Variants in RORA observed in about 807,000 individuals in gnomAD.
The protein encoded by RORA is RAR related orphan receptor A.
Under a neutral mutation model 69.5 loss-of-function variants are expected in RORA, and 7 were observed. The ratio of observed to expected loss-of-function variants is 0.10; its 90% CI spans 0.06 to 0.19. The LOEUF is 0.19. Ranked by LOEUF, RORA falls within the 10% of genes least tolerant of loss-of-function variation. The pLI, the probability that RORA is intolerant of heterozygous loss-of-function variation, is 1.00. For synonymous variants in RORA, 261 were observed against 240.8 expected (o/e 1.08, Z -0.78); for missense variants, 457 against 663.0 (o/e 0.69, Z 3.41).
At chr15:60,647,983 G>T (rs2070080745) in intron 2 of RORA, among the ~76,000 whole-genome samples, 1 of 152,162 alleles carries the variant, frequency 6.6e-6, no homozygotes, top group African/African-American at 2.4e-5. Context: ...AGAGGTGTGG[G>T]GACACCAAGG....
intron 1 of RORA, among the ~76,000 whole-genome samples, chr15:60,982,447 C>T (rs1017168379): frequency 1.2e-4 from 18 of 152,190 alleles, no homozygotes; most frequent in Non-Finnish European, 2.5e-4. Context: ...TTATCCATTG[C>T]CTTAGACAGT....
chr15:61,218,690 A>ACACACACACACACG (rs1263128966), intron 1 of RORA, among the ~76,000 whole-genome samples: 2 of 151,682 alleles, frequency 1.3e-5, no homozygotes, highest in African/African-American at 4.8e-5. Context: ...ACACACACAC[A>ACACACACACACACG]CACACACACA....
intron 1 of RORA, among the ~76,000 whole-genome samples, chr15:60,964,063 C>T (rs1893484849): frequency 6.6e-6 from 1 of 152,306 alleles, no homozygotes; most frequent in African/African-American, 2.4e-5. Flanking sequence ...AGATAGGAAT[C>T]ATCTCATTTA....
At chr15:60,673,091 C>T (rs929028098) in intron 2 of RORA, among the ~76,000 whole-genome samples, 1 of 152,220 alleles carries the variant, frequency 6.6e-6, no homozygotes, top group African/African-American at 2.4e-5. Context: ...TCAACACACC[C>T]TTTGGAACGT....
chr15:60,521,182 C>T (rs1474497170), intron 3 of RORA, among the ~76,000 whole-genome samples: 2 of 151,678 alleles, frequency 1.3e-5, no homozygotes, highest in Admixed American at 1.3e-4. Context: ...GTCGTCCAGG[C>T]ATACATAGTA....
chr15:60,606,623 C>T lies in RORA; in HGVS notation c.196+72034G>A, dbSNP rs340032. Among the ~76,000 whole-genome samples the T allele has an allele frequency of 2.7e-3, 404 of 152,098 alleles. 1 individual carries two copies. The highest frequency in any genetic ancestry group is 8.9e-3 in the African/African-American group (370 of 41,460). The stretch of plus-strand genomic sequence containing the variant: ...GGAGCAGACTTTGGGTGAGGCACTA[C>T]GTGAAATGTTTGAAAAAGATAGTTA... On this transcript the variant is annotated intron_variant, in intron 2 of 10. Coordinates refer to ENST00000335670, the MANE Select transcript of RORA (RefSeq NM_134261.3).
rs377369252 is a variant in RORA at position 61,131,182 on chromosome 15, G to T, written c.166+97871C>A. Among the ~76,000 whole-genome samples, 1 of 152,290 alleles carries T rather than the reference G, an allele frequency of 6.6e-6. No individual in the cohort carries two copies. Reference sequence around the variant, plus strand: ...ACTTTTGAACACTGGGTGTAAACTTGATGGTCACTAACATTCCTGACCATG... The same window carrying T: ...ACTTTTGAACACTGGGTGTAAACTTTATGGTCACTAACATTCCTGACCATG... On this transcript the variant is annotated intron_variant, in intron 1 of 10. Transcript: ENST00000335670. The surrounding 1 kb of genome is among the most constrained non-coding windows in gnomAD (Gnocchi z 4.2).
chr15:60,766,727 G>A (rs1001768059), intron 1 of RORA, among the ~76,000 whole-genome samples: 39 of 151,848 alleles, frequency 2.6e-4, no homozygotes, highest in Admixed American at 2.4e-3. Context: ...TGCTGGGGCC[G>A]AGTTTTAAAA....
intron 1 of RORA, among the ~76,000 whole-genome samples, chr15:61,227,346 C>T (rs2080155970): frequency 6.6e-6 from 1 of 152,186 alleles, no homozygotes; most frequent in South Asian, 2.1e-4. Context: ...GCCAAAAGCT[C>T]CCCGCACACA....
chr15:60,501,002 T>G lies in RORA; in HGVS notation c.1251A>C (p.Glu417Asp). The G allele has an allele frequency of 6.2e-7, 1 of 1,610,090 alleles. No homozygotes were observed. Among genetic ancestry groups the G allele is most frequent in the Non-Finnish European group, 8.5e-7 (1 of 1,176,652 alleles). The change falls in exon 9 of 11, where the codon GAA (glutamate) becomes GAC (aspartate). Residue 417 changes from glutamate to aspartate, a missense_variant. Coordinates refer to ENST00000335670, the MANE Select transcript of RORA (RefSeq NM_134261.3). ...GKSLCSMHLT[E>D]DEIALFSAFV... ...ATGCAGAAAATAATGCAATTTCATCTTCAGTCAGGTGCATAGAACATAAAC... is the reference window on the plus strand; with the variant it reads ...ATGCAGAAAATAATGCAATTTCATCGTCAGTCAGGTGCATAGAACATAAAC...
chr15:60,690,847 A>G (rs2070813087), intron 1 of RORA, among the ~76,000 whole-genome samples: 1 of 152,164 alleles, frequency 6.6e-6, no homozygotes, highest in African/African-American at 2.4e-5. Flanking sequence ...GTTACCATAC[A>G]GGACACCTCA....
At chr15:60,592,473 C>T (rs1314867713) in intron 2 of RORA, 22 of 1,363,338 alleles carry the variant, frequency 1.6e-5, no homozygotes, top group Non-Finnish European at 1.9e-5. Flanking sequence ...CCGGAGCCCC[C>T]TCTGCCGCCG....
intron 1 of RORA, among the ~76,000 whole-genome samples, chr15:60,930,210 G>C (rs1387638585): frequency 6.6e-6 from 1 of 152,094 alleles, no homozygotes; most frequent in Non-Finnish European, 1.5e-5. Flanking sequence ...AGACGAAAAA[G>C]CTCAACATAA....
intron 1 of RORA, among the ~76,000 whole-genome samples, chr15:61,205,094 G>C (rs969873373): frequency 7.9e-5 from 12 of 152,182 alleles, no homozygotes; most frequent in Admixed American, 3.9e-4. Flanking sequence ...CTCTTCTGAA[G>C]TTTGAGTTTT....
intron 1 of RORA, among the ~76,000 whole-genome samples, chr15:61,227,808 C>G (rs576403548): frequency 4.9e-4 from 74 of 152,296 alleles, no homozygotes; most frequent in African/African-American, 1.6e-3. Context: ...CGCGCGAGCA[C>G]GCTTCCTCCG....
intron 1 of RORA, among the ~76,000 whole-genome samples, chr15:61,093,036 C>T (rs2078731364): frequency 2.0e-5 from 3 of 152,168 alleles, no homozygotes; most frequent in Admixed American, 2.0e-4. Context: ...TCTGCTGCTT[C>T]TTCCTCTATC....
intron 2 of RORA, among the ~76,000 whole-genome samples, chr15:60,602,516 C>T (rs1459874234): frequency 6.6e-6 from 1 of 152,138 alleles, no homozygotes; most frequent in Non-Finnish European, 1.5e-5. Context: ...GAAACTGTTT[C>T]CTGTCACCAT....
chr15:61,004,139 T>A (rs1894834916), intron 1 of RORA, among the ~76,000 whole-genome samples: 1 of 152,062 alleles, frequency 6.6e-6, no homozygotes, highest in African/African-American at 2.4e-5. Context: ...CTTGAAATCT[T>A]TGTCATGCAT....
intron 2 of RORA, among the ~76,000 whole-genome samples, chr15:60,562,766 G>C (rs1389057716): frequency 1.3e-5 from 2 of 151,894 alleles, no homozygotes; most frequent in Non-Finnish European, 2.9e-5. Context: ...TGTAGAGATA[G>C]GGGTCTTGCT....
Sources: gnomAD v4.1 joint callset for allele counts (sites outside exome capture counted in the v4.1 genomes callset) on GRCh38, gnomAD v4.1.1 for gene constraint, Gnocchi (gnomAD v3.1) non-coding constraint, MANE v1.5 for transcripts, NCBI Gene and HGNC (gene_info 2026-07-23, HGNC 2026-07-21) for gene names.